EIF4G1: variants seen among roughly 807,000 people sequenced by gnomAD.
EIF4G1 encodes the protein eukaryotic translation initiation factor 4 gamma 1.
In EIF4G1, 4 loss-of-function variants were observed where a neutral mutation model predicts 187.8. The observed-to-expected ratio is 0.02, with a 90% CI of 0.01 to 0.05. The LOEUF (loss-of-function observed/expected upper bound fraction) is 0.05, where lower values mean the gene tolerates loss of function less well. Ranked by LOEUF, EIF4G1 falls within the 10% of genes least tolerant of loss-of-function variation. The probability of loss-of-function intolerance (pLI) is 1.00; values close to 1 mark genes in which losing one functional copy is unlikely to be tolerated. For synonymous variants in EIF4G1, 844 were observed against 781.4 expected, an observed-to-expected ratio of 1.08 and a Z score of -1.34; for missense variants, 1,647 against 2,081.1, an observed-to-expected ratio of 0.79 and a Z score of 4.06.
In EIF4G1 at chr3:184,323,115, C is replaced by T. The variant is rs201113929; in HGVS notation, c.1962C>T (p.Pro654=). 11 of 1,614,234 alleles carry T rather than the reference C, an allele frequency of 6.8e-6. No homozygotes were observed. The African/African-American group carries it at 1.3e-4, about 20-fold the overall frequency. The change falls in exon 14 of 33, where the codon CCC becomes CCT. Residue 654 remains proline, a synonymous_variant. Transcript: ENST00000346169. This position sits in a 1 kb window ranked among gnomAD's most constrained non-coding sequence, Gnocchi z 6.9. ...ANKTPLRPLD[P]TRLQGINCGP... ...AAACACCACTGCGGCCACTGGATCC[C>T]ACTAGACTACAAGGCATAAATTGTG...
rs1032515996 is a variant in EIF4G1, at chr3:184,335,174, G to T, written c.*266G>T. The T allele has an allele frequency of 4.3e-6, 2 of 468,072 alleles. No individual in the cohort carries two copies. Among genetic ancestry groups the T allele is most frequent in the Non-Finnish European group, 7.7e-6 (2 of 258,466 alleles). The allele number at this position is 468,072 out of a possible 1,614,324, so 29.0% of individuals were successfully genotyped here. A position where few individuals can be genotyped will look rare whatever the true frequency, so the allele number is the denominator to read the frequency against. On this transcript the variant is annotated 3_prime_UTR_variant, in exon 33 of 33. Transcript: ENST00000346169. ...TTGAAATTTGGTGTGTCTTGGGGTG[G>T]GGAGGGGCACCAACGCCTGCCCCTG...
chr3:184,331,030 G>A (rs1008141394), intron 28 of EIF4G1, among the ~76,000 whole-genome samples: 8 of 152,106 alleles, frequency 5.3e-5, no homozygotes, highest in South Asian at 4.2e-4. Flanking sequence ...GTGAGCCACC[G>A]CCCGCTCCTG....
At position 184,334,777 on chromosome 3, in the gene EIF4G1, G is replaced by A. The variant is rs1553851264; in HGVS notation, c.4669G>A (p.Glu1557Lys). ...ACTGTATGACGAGGACGTGGTGAAG[G>A]AGGATGCCTTCTACAGTTGGGAGAG... ...DALYDEDVVK[E>K]DAFYSWESSK... The change falls in exon 33 of 33, where the codon GAG becomes AAG. Residue 1557 changes from glutamate (E) to lysine (K), a missense_variant. By Grantham distance (56) the Glu-to-Lys change is moderately conservative. This residue lies in a region of EIF4G1 where 543 missense variants were observed against 638.0 expected (regional missense o/e 0.85). Transcript: ENST00000346169. This position sits in a 1 kb window ranked among gnomAD's most constrained non-coding sequence, Gnocchi z 5.8. 6.2e-7 allele frequency: 1 copy of A among 1,614,242 alleles called. No individual in the cohort carries two copies.
rs1382446842 is a variant in EIF4G1, at chr3:184,327,305, G to T, written c.3518G>T (p.Arg1173Leu). The change falls in exon 24 of 33, where the codon CGG becomes CTG. Residue 1173 changes from arginine (R) to leucine (L), a missense_variant. By Grantham distance (102) the Arg-to-Leu change is moderately radical. Transcript: ENST00000346169. ...RSERGGDRGD[R>L]LDRARTPATK... The stretch of plus-strand genomic sequence containing the variant: ...GAACGGGGAGGGGACCGTGGGGACC[G>T]GCTTGATCGTGCGCGGACACCTGCT... 5 of 1,613,746 alleles carry T rather than the reference G, an allele frequency of 3.1e-6. No homozygotes were observed. The highest frequency in any genetic ancestry group is 1.3e-5 in the African/African-American group (1 of 74,940).
At chr3:184,317,242 A>AGG in intron 4 of EIF4G1, 79 bp from the exon 5 acceptor site, 2 of 1,503,428 alleles carry the variant, frequency 1.3e-6, no homozygotes, top group Non-Finnish European at 1.8e-6. Context: ...TTTCCAGGCT[A>AGG]TAGAGACATT....
At chr3:184,332,322 A>C (rs1303100921) in intron 32 of EIF4G1, among the ~76,000 whole-genome samples, 1 of 152,196 alleles carries the variant, frequency 6.6e-6, no homozygotes, top group Non-Finnish European at 1.5e-5. Context: ...CATGTGTTTG[A>C]TGCCAACAGT....
Position 184,323,276 on chromosome 3 carries a change from G to T in EIF4G1, c.2088+35G>T, listed in dbSNP as rs775597147. On this transcript the variant is annotated intron_variant, in intron 14 of 32. Transcript: ENST00000346169. This position sits in a 1 kb window ranked among gnomAD's most constrained non-coding sequence, Gnocchi z 6.9. ...GCTGGGTAAAGTGGCAGGTGGGCAA[G>T]GAGTGGGAGTGGATGATTCCGTGTC... 6 of 1,613,612 alleles carry T rather than the reference G, an allele frequency of 3.7e-6. No individual in the cohort carries two copies. In the East Asian group the frequency reaches 1.1e-4, roughly 30 times the overall value.
rs138207269 is a variant in EIF4G1 at position 184,321,840 on chromosome 3, G to T, written c.1256G>T (p.Ser419Ile). ...SPPAVDLSPVSEPEEQAKEVT... is the reference protein window; with the variant it reads ...SPPAVDLSPVIEPEEQAKEVT... ...CCAGCTGTGGACTTAAGCCCAGTCA[G>T]TGAGCCAGAGGAGCAGGCCAAGGAG... The change falls in exon 10 of 33, where the codon AGT (serine) becomes ATT (isoleucine). Residue 419 changes from serine (S) to isoleucine (I), a missense_variant. Around this residue, in one of 11 missense-constraint regions of EIF4G1, gnomAD observed 522 missense variants for 485.2 expected, o/e 1.08. Transcript: ENST00000346169. The T allele has an allele frequency of 1.5e-5, 24 of 1,614,052 alleles. No individual in the cohort carries two copies. In the African/African-American group the frequency reaches 3.1e-4, roughly 21 times the overall value.
chr3:184,327,823 C>A lies in EIF4G1; in HGVS notation c.3781-7C>A. The A allele has an allele frequency of 6.2e-7, 1 of 1,614,042 alleles. No homozygotes were observed. Among genetic ancestry groups the A allele is most frequent in the Non-Finnish European group, 8.5e-7 (1 of 1,180,030 alleles). Reference sequence around the variant, plus strand: ...GGTCTCTTCCTGCTGTGCCCTGCACCCCTCAGGAGGCAGTCCAGTGCGTGC... The same window carrying A: ...GGTCTCTTCCTGCTGTGCCCTGCACACCTCAGGAGGCAGTCCAGTGCGTGC... On this transcript the variant is annotated splice_polypyrimidine_tract_variant and splice_region_variant and intron_variant, in intron 25 of 32. Coordinates refer to ENST00000346169, the MANE Select transcript of EIF4G1 (RefSeq NM_198241.3).
chr3:184,323,621 T>A lies in EIF4G1; in HGVS notation c.2274+28T>A. ...ACTGGCAAGTCCTGCTTTTGGTCTC[T>A]CTCCATTTCTTCTCCAGGTCTGCCA... On this transcript the variant is annotated intron_variant, in intron 15 of 32. Coordinates refer to ENST00000346169, the MANE Select transcript of EIF4G1 (RefSeq NM_198241.3). This position sits in a 1 kb window ranked among gnomAD's most constrained non-coding sequence, Gnocchi z 6.9. The A allele has an allele frequency of 6.2e-7, 1 of 1,613,592 alleles. No individual in the cohort carries two copies. The highest frequency in any genetic ancestry group is 8.5e-7 in the Non-Finnish European group (1 of 1,179,994).
rs1159871155 is a variant in EIF4G1, at chr3:184,321,551, C to G, written c.967C>G (p.Pro323Ala). The G allele has an allele frequency of 6.2e-7, 1 of 1,614,218 alleles. No homozygotes were observed. The highest frequency in any genetic ancestry group is 1.3e-5 in the African/African-American group (1 of 75,054). ...TCCAGAACCCACTCCTCTCGCCGAA[C>G]CCATACTGGAAGTAGAAGTGACACT... is the stretch of plus-strand genomic sequence containing the variant. ...LSPEPTPLAEPILEVEVTLSK... is the reference protein window; with the variant it reads ...LSPEPTPLAEAILEVEVTLSK... The change falls in exon 10 of 33, where the codon CCC (proline) becomes GCC (alanine). Residue 323 changes from proline to alanine, a missense_variant. Physicochemically the swap from Pro to Ala is conservative, Grantham distance 27 (BLOSUM62 -1). Coordinates refer to ENST00000346169, the MANE Select transcript of EIF4G1 (RefSeq NM_198241.3).
chr3:184,331,416 T>C, intron 29 of EIF4G1, 52 bp downstream of exon 29: 1 of 1,614,200 alleles, frequency 6.2e-7, no homozygotes, highest in Middle Eastern at 1.7e-4. Context: ...GCCAGTCTTC[T>C]TTCTTGTCTC....
chr3:184,315,624 G>A lies in EIF4G1; in HGVS notation c.-35+79G>A. ...TTTGACAGCATGTTGGTGGGGACAG[G>A]CTGTATCTTTTCTGCTTCACCCTCT... is the stretch of plus-strand genomic sequence containing the variant. On this transcript the variant is annotated intron_variant, in intron 2 of 32. Transcript: ENST00000346169. 5.2e-6 allele frequency: 4 copies of A among 774,978 alleles called. No individual in the cohort carries two copies. In the Middle Eastern group the frequency reaches 6.8e-4, roughly 131 times the overall value. 48.0% of individuals were successfully genotyped at this position (774,978 alleles called of 1,614,324 possible).
At chr3:184,326,651 C>G (rs774911581) in intron 22 of EIF4G1, 22 bp downstream of exon 22, 2 of 1,606,058 alleles carry the variant, frequency 1.2e-6, no homozygotes, top group Admixed American at 1.7e-5. Context: ...GTGTCAGGAG[C>G]TGGGTGGTTA....
At chr3:184,327,157 T>TA in intron 23 of EIF4G1, 59 bp from the exon 24 acceptor site, 1 of 1,601,118 alleles carries the variant, frequency 6.2e-7, no homozygotes, top group South Asian at 1.1e-5. Context: ...GCATGTTGTG[T>TA]AATTACATGA....
chr3:184,316,354 C>T, intron 4 of EIF4G1, 136 bp downstream of exon 4: 1 of 1,183,994 alleles, frequency 8.4e-7, no homozygotes, highest in Non-Finnish European at 1.2e-6. Flanking sequence ...CGGCTCTGCG[C>T]CTTGCCCTGT....
At position 184,334,712 on chromosome 3, in the gene EIF4G1, C is replaced by T. The variant is rs1726818309; in HGVS notation, c.4619-15C>T. On this transcript the variant is annotated splice_polypyrimidine_tract_variant and intron_variant, in intron 32 of 32. Coordinates refer to ENST00000346169, the MANE Select transcript of EIF4G1 (RefSeq NM_198241.3). This position sits in a 1 kb window ranked among gnomAD's most constrained non-coding sequence, Gnocchi z 5.8. The stretch of plus-strand genomic sequence containing the variant: ...GTGGCCAGTCACCTCTAACTGCTGT[C>T]CCGCCTGCTTGCAGACCTGCTGCGG... 14 of 1,613,950 alleles carry T rather than the reference C, an allele frequency of 8.7e-6. No individual in the cohort carries two copies. The highest frequency in any genetic ancestry group is 1.2e-5 in the Non-Finnish European group (14 of 1,180,004).
chr3:184,318,895 A>G (rs560107351), intron 6 of EIF4G1, among the ~76,000 whole-genome samples: 28 of 152,032 alleles, frequency 1.8e-4, no homozygotes, highest in Non-Finnish European at 2.8e-4. Context: ...GTGAGCCACC[A>G]CGCCTGGCCC....
In EIF4G1 at chr3:184,323,356, A is replaced by G. The variant is rs148483343; in HGVS notation, c.2089-52A>G. On this transcript the variant is annotated intron_variant, in intron 14 of 32. Transcript: ENST00000346169. The surrounding 1 kb of genome is among the most constrained non-coding windows in gnomAD (Gnocchi z 6.9). ...GAGGCGTGTAGTAGTGGTGTCACAT[A>G]TTGTGCTGACTAGTTCCATGTCCCC... The G allele has an allele frequency of 1.4e-5, 22 of 1,612,878 alleles. No homozygotes were observed. The African/African-American group carries it at 2.1e-4, about 16-fold the overall frequency.
Sources: allele counts gnomAD v4.1 joint callset (sites outside exome capture counted in the v4.1 genomes callset), GRCh38; gene constraint gnomAD v4.1.1; regional missense constraint gnomAD v4.1.1; non-coding constraint Gnocchi (gnomAD v3.1); transcripts MANE v1.5; gene names NCBI Gene and HGNC (gene_info 2026-07-23, HGNC 2026-07-21).